The following TAS2R1 variants were observed in gnomAD, a reference collection of about 807,000 sequenced individuals.
TAS2R1 encodes taste receptor type 2 member 1.
For missense variants in TAS2R1, 370 were observed against 353.4 expected (o/e 1.05, Z -0.38); for synonymous variants, 141 against 134.2 (o/e 1.05, Z -0.35).
chr5:9,826,766 G>GT, the TAS2R1 span, among the ~76,000 whole-genome samples: 1 of 152,108 alleles, frequency 6.6e-6, no homozygotes, highest in Non-Finnish European at 1.5e-5. Context: ...CCCCAGTCTT[G>GT]TTTGTCCCGT....
chr5:9,797,521 A>T, the TAS2R1 span, among the ~76,000 whole-genome samples: 1 of 152,156 alleles, frequency 6.6e-6, no homozygotes, highest in African/African-American at 2.4e-5. Context: ...ACAGCAAAAA[A>T]TTCTAGTCTA....
chr5:9,789,577 G>A, the TAS2R1 span, among the ~76,000 whole-genome samples: 65 of 152,306 alleles, frequency 4.3e-4, no homozygotes, highest in African/African-American at 1.5e-3. Context: ...AAAAATGTGT[G>A]AATTAAGGTA....
the TAS2R1 span, among the ~76,000 whole-genome samples, chr5:9,750,682 C>T: frequency 2.0e-5 from 3 of 152,170 alleles, no homozygotes; most frequent in African/African-American, 4.8e-5. Flanking sequence ...AATCCCTTTT[C>T]AGTGTGCTTC....
At chr5:9,771,393 T>C in the TAS2R1 span, among the ~76,000 whole-genome samples, 3 of 152,192 alleles carry the variant, frequency 2.0e-5, no homozygotes, top group African/African-American at 7.2e-5. Context: ...AATTATCTTG[T>C]TAATGTGTTG....
chr5:9,699,465 A>G (rs187580884), intron 1 of TAS2R1, among the ~76,000 whole-genome samples: 66 of 152,312 alleles, frequency 4.3e-4, no homozygotes, highest in Non-Finnish European at 1.6e-4. Context: ...ACTTGTGCCT[A>G]CTGACCTTGA....
the TAS2R1 span, among the ~76,000 whole-genome samples, chr5:9,875,620 T>C: frequency 6.6e-6 from 1 of 152,204 alleles, no homozygotes. Flanking sequence ...GGTGCACTAC[T>C]GGCCAGCATT....
the TAS2R1 span, among the ~76,000 whole-genome samples, chr5:9,755,803 C>T: frequency 3.3e-5 from 5 of 152,272 alleles, no homozygotes; most frequent in Admixed American, 2.0e-4. Flanking sequence ...CATAAGGTAA[C>T]TTTCTGACAT....
chr5:9,631,051 C>T (rs1363792689), upstream of TAS2R1, among the ~76,000 whole-genome samples: 2 of 152,114 alleles, frequency 1.3e-5, no homozygotes, highest in African/African-American at 4.8e-5. Flanking sequence ...CTACCACATG[C>T]CTGTCCTCTA....
the TAS2R1 span, among the ~76,000 whole-genome samples, chr5:9,895,880 C>T: frequency 6.6e-6 from 1 of 152,208 alleles, no homozygotes; most frequent in Non-Finnish European, 1.5e-5. Flanking sequence ...GAAGCCATTG[C>T]TTTGTAAAGC....
intron 1 of TAS2R1, among the ~76,000 whole-genome samples, chr5:9,705,645 G>C (rs945270625): frequency 6.6e-6 from 1 of 152,164 alleles, no homozygotes; most frequent in Non-Finnish European, 1.5e-5. Flanking sequence ...GAACAACTGA[G>C]ATCAGGAGCT....
chr5:9,794,786 A>C, the TAS2R1 span, among the ~76,000 whole-genome samples: 52 of 152,180 alleles, frequency 3.4e-4, no homozygotes, highest in Non-Finnish European at 6.6e-4. Context: ...TAACCATTTG[A>C]AGGGAGAAAA....
the TAS2R1 span, among the ~76,000 whole-genome samples, chr5:9,795,198 T>G: frequency 6.6e-6 from 1 of 152,194 alleles, no homozygotes; most frequent in Admixed American, 6.5e-5. Flanking sequence ...CAGCGTTTTC[T>G]ACAAAGCAAC....
chr5:9,903,073 T>G, the TAS2R1 span, among the ~76,000 whole-genome samples: 14 of 152,222 alleles, frequency 9.2e-5, no homozygotes, highest in African/African-American at 3.4e-4. Context: ...CTCAAGCATT[T>G]ATCCTTTGAG....
At chr5:9,647,301 G>T (rs144350595) in intron 2 of TAS2R1, among the ~76,000 whole-genome samples, 2 of 152,250 alleles carry the variant, frequency 1.3e-5, no homozygotes, top group African/African-American at 4.8e-5. Context: ...CTAGAAAAAA[G>T]AATATTGTGG....
chr5:9,806,746 A>G, the TAS2R1 span, among the ~76,000 whole-genome samples: 1 of 152,118 alleles, frequency 6.6e-6, no homozygotes, highest in Non-Finnish European at 1.5e-5. Context: ...ACAAAAATCA[A>G]CTCAAGATAA....
upstream of TAS2R1, among the ~76,000 whole-genome samples, chr5:9,635,009 T>C (rs1041357036): frequency 1.3e-5 from 2 of 152,134 alleles, no homozygotes; most frequent in African/African-American, 4.8e-5. Flanking sequence ...AAAGTGGACA[T>C]CCTTGTCTTG....
chr5:9,813,313 C>A, the TAS2R1 span, among the ~76,000 whole-genome samples: 1 of 152,188 alleles, frequency 6.6e-6, no homozygotes, highest in African/African-American at 2.4e-5. Flanking sequence ...AACTGTGAGA[C>A]AATACATTTC....
At chr5:9,775,960 GT>G in the TAS2R1 span, among the ~76,000 whole-genome samples, 1 of 152,204 alleles carries the variant, frequency 6.6e-6, no homozygotes. Flanking sequence ...GCCCCAGCTG[GT>G]GTCTCCCTAG....
chr5:9,718,138 T>C, the TAS2R1 span, among the ~76,000 whole-genome samples: 1 of 151,620 alleles, frequency 6.6e-6, no homozygotes, highest in Non-Finnish European at 1.5e-5. Flanking sequence ...TTTTTTTTTT[T>C]TTTTGTATTT....
Sources: allele counts gnomAD v4.1 joint callset (sites outside exome capture counted in the v4.1 genomes callset), GRCh38; gene constraint gnomAD v4.1.1; transcripts MANE v1.5; gene names NCBI Gene and HGNC (gene_info 2026-07-23, HGNC 2026-07-21).